COL5A2: variants seen among roughly 807,000 people sequenced by gnomAD.
The protein encoded by COL5A2 is collagen type V alpha 2 chain.
A neutral mutation model predicts 208.2 loss-of-function variants in COL5A2; 23 were observed. The ratio of observed to expected loss-of-function variants is 0.11; its 90% CI spans 0.08 to 0.16. COL5A2 has a LOEUF of 0.16. Ranked by LOEUF, COL5A2 falls within the 10% of genes least tolerant of loss-of-function variation. The pLI is 1.00. For missense variants in COL5A2, 1,590 were observed against 1,956.4 expected (o/e 0.81, Z 3.53); for synonymous variants, 625 against 628.5 (o/e 0.99, Z 0.08).
the COL5A2 span, among the ~76,000 whole-genome samples, chr2:189,284,983 G>A: frequency 5.2e-4 from 79 of 151,094 alleles, no homozygotes; most frequent in Non-Finnish European, 4.9e-4. Flanking sequence ...TGTTGTTATT[G>A]TTTATTTTAT....
At chr2:189,314,568 CAAGA>C in the COL5A2 span, among the ~76,000 whole-genome samples, 1 of 152,032 alleles carries the variant, frequency 6.6e-6, no homozygotes, top group South Asian at 2.1e-4. Flanking sequence ...TAACAGAAGA[CAAGA>C]AATAACCAAA....
intron 1 of COL5A2, among the ~76,000 whole-genome samples, chr2:189,117,809 G>A (rs564179603): frequency 4.2e-4 from 64 of 150,630 alleles, no homozygotes; most frequent in African/African-American, 1.6e-3. Flanking sequence ...TTTATTGTTT[G>A]TCACCCCATG....
chr2:189,185,347 T>G (rs1291190045), intron 1 of COL5A2, among the ~76,000 whole-genome samples: 1 of 152,124 alleles, frequency 6.6e-6, no homozygotes, highest in Admixed American at 6.5e-5. Flanking sequence ...TTTTAAAAGA[T>G]CTGTATGGCA....
At chr2:189,147,002 TAAG>T (rs1186348337) in intron 1 of COL5A2, among the ~76,000 whole-genome samples, 4 of 152,200 alleles carry the variant, frequency 2.6e-5, no homozygotes, top group African/African-American at 9.6e-5. Context: ...AAGCCAACAA[TAAG>T]AAGACCCTTA....
chr2:189,173,756 T>C (rs1688619342), intron 1 of COL5A2, among the ~76,000 whole-genome samples: 1 of 152,296 alleles, frequency 6.6e-6, no homozygotes, highest in Admixed American at 6.5e-5. Context: ...TAGTGAAAAT[T>C]ATAGTTTCAT....
chr2:189,354,650 T>C, the COL5A2 span, among the ~76,000 whole-genome samples: 1 of 152,174 alleles, frequency 6.6e-6, no homozygotes. Context: ...TTTTATTGCA[T>C]CTATTTGATT....
intron 1 of COL5A2, among the ~76,000 whole-genome samples, chr2:189,208,234 C>T (rs894338348): frequency 1.3e-5 from 2 of 152,140 alleles, no homozygotes; most frequent in Non-Finnish European, 1.5e-5. Context: ...AAGTCACTTC[C>T]TCAGGGTACT....
chr2:189,162,208 G>C (rs1382192674), intron 1 of COL5A2, among the ~76,000 whole-genome samples: 3 of 152,180 alleles, frequency 2.0e-5, no homozygotes, highest in Admixed American at 1.3e-4. Flanking sequence ...ATTCCCACTA[G>C]ACGATTAACT....
At chr2:189,412,279 G>A in the COL5A2 span, among the ~76,000 whole-genome samples, 27 of 152,266 alleles carry the variant, frequency 1.8e-4, no homozygotes, top group African/African-American at 6.3e-4. Context: ...GGAAAAGACA[G>A]TGAGAAAGAG....
intron 34 of COL5A2, 56 bp downstream of exon 34, chr2:189,057,264 C>T (rs1685918508): frequency 5.0e-6 from 5 of 995,322 alleles, no homozygotes; most frequent in Non-Finnish European, 7.1e-6. Context: ...ATTTCATTTT[C>T]AGCAGAAAGT....
intron 14 of COL5A2, 59 bp from the exon 15 acceptor site, chr2:189,079,166 G>A: frequency 8.0e-7 from 1 of 1,255,396 alleles, no homozygotes; most frequent in Non-Finnish European, 1.2e-6. Flanking sequence ...ACATCACTTT[G>A]TTCTGTGTGT....
At chr2:189,141,564 C>T (rs2105772538) in intron 1 of COL5A2, among the ~76,000 whole-genome samples, 1 of 152,170 alleles carries the variant, frequency 6.6e-6, no homozygotes, top group South Asian at 2.1e-4. Context: ...TTAAAGATTT[C>T]CTCTTACCAA....
intron 33 of COL5A2, 22 bp from the exon 34 acceptor site, chr2:189,057,449 T>G (rs374192258): frequency 2.0e-6 from 3 of 1,508,584 alleles, no homozygotes; most frequent in Non-Finnish European, 2.8e-6. Context: ...CAACATTAAG[T>G]GACCATACCA....
At chr2:189,319,694 C>T in the COL5A2 span, among the ~76,000 whole-genome samples, 1 of 152,256 alleles carries the variant, frequency 6.6e-6, no homozygotes, top group African/African-American at 2.4e-5. Context: ...GAGCCCACTG[C>T]AGCTCAAGGA....
chr2:189,042,758 G>T lies in COL5A2; in HGVS notation c.3487C>A (p.Gln1163Lys). The change falls in exon 49 of 54, where the codon CAA (glutamine) becomes AAA (lysine). Residue 1163 changes from glutamine to lysine, a missense_variant. Coordinates refer to ENST00000374866, the MANE Select transcript of COL5A2 (RefSeq NM_000393.5). Reference protein sequence around the residue: ...LPGPPGPNGEQGSAGIPGPFG... With the variant: ...LPGPPGPNGEKGSAGIPGPFG... ...GGTCCAGGGATTCCAGCACTTCCTT[G>T]TTCACCATTTGGACCCTAAGTAGGA... is the stretch of plus-strand genomic sequence containing the variant. 1 of 1,606,712 alleles carries T rather than the reference G, an allele frequency of 6.2e-7. No individual in the cohort carries two copies. Among genetic ancestry groups the T allele is most frequent in the Non-Finnish European group, 8.5e-7 (1 of 1,175,726 alleles).
At chr2:189,392,506 T>TTTCTTC in the COL5A2 span, among the ~76,000 whole-genome samples, 1 of 152,160 alleles carries the variant, frequency 6.6e-6, no homozygotes, top group Admixed American at 6.6e-5. Context: ...AGAACGTTCC[T>TTTCTTC]TTCTTCTTCC....
chr2:189,129,366 T>C (rs1295727736), intron 1 of COL5A2, among the ~76,000 whole-genome samples: 5 of 152,056 alleles, frequency 3.3e-5, no homozygotes, highest in Non-Finnish European at 7.4e-5. Flanking sequence ...TGAAAATCCA[T>C]GTTTTTCAAT....
the COL5A2 span, among the ~76,000 whole-genome samples, chr2:189,301,373 T>A: frequency 6.6e-6 from 1 of 152,212 alleles, no homozygotes; most frequent in Non-Finnish European, 1.5e-5. Flanking sequence ...TAAAATAATG[T>A]ATTATCTGCT....
the COL5A2 span, among the ~76,000 whole-genome samples, chr2:189,277,518 A>G: frequency 6.6e-6 from 1 of 152,084 alleles, no homozygotes; most frequent in Non-Finnish European, 1.5e-5. Flanking sequence ...TTACAAAGGC[A>G]TATCTAGCCA....
Sources: gnomAD v4.1 joint callset for allele counts (sites outside exome capture counted in the v4.1 genomes callset) on GRCh38, gnomAD v4.1.1 for gene constraint, MANE v1.5 for transcripts, NCBI Gene and HGNC (gene_info 2026-07-23, HGNC 2026-07-21) for gene names.